Variants in GAP43 observed in about 807,000 individuals in gnomAD.
The protein encoded by GAP43 is neuromodulin.
Under a neutral mutation model 18.6 loss-of-function variants are expected in GAP43, and 6 were observed. The observed-to-expected ratio is 0.32, with a 90% CI of 0.18 to 0.64. The LOEUF (loss-of-function observed/expected upper bound fraction) is 0.64. Among genes scored for constraint, GAP43 ranks in the 30% least tolerant of loss-of-function variants. GAP43 has a pLI of 0.78. For missense variants in GAP43, 292 were observed against 295.5 expected, an observed-to-expected ratio of 0.99 and a Z score of 0.09; for synonymous variants, 115 against 111.4, an observed-to-expected ratio of 1.03 and a Z score of -0.20.
At chr3:115,627,187 T>G (rs1708201163) in intron 1 of GAP43, among the ~76,000 whole-genome samples, 1 of 148,418 alleles carries the variant, frequency 6.7e-6, no homozygotes, top group Non-Finnish European at 1.5e-5. Flanking sequence ...CTTAGAAAAT[T>G]CATGGTGAGT....
At chr3:115,633,597 G>A (rs1576976622) in intron 1 of GAP43, among the ~76,000 whole-genome samples, 2 of 152,194 alleles carry the variant, frequency 1.3e-5, no homozygotes, top group Admixed American at 1.3e-4. Flanking sequence ...GGCTCTAAAA[G>A]GAAGTAGTAA....
At chr3:115,663,651 C>A in intron 1 of GAP43, 1 of 1,428,426 alleles carries the variant, frequency 7.0e-7, no homozygotes, top group Non-Finnish European at 9.1e-7. Flanking sequence ...TCAGCCCTTG[C>A]TTAAAAAATT....
chr3:115,649,520 A>G (rs1708497828), intron 1 of GAP43, among the ~76,000 whole-genome samples: 1 of 152,148 alleles, frequency 6.6e-6, no homozygotes, highest in Non-Finnish European at 1.5e-5. Flanking sequence ...AGGGTAACAG[A>G]AGAAATCAAT....
chr3:115,646,901 C>G lies in GAP43; in HGVS notation c.30+23182C>G, dbSNP rs190997482. ...GAAACCAAACAACCAACATGTATTT[C>G]CTGAACCCCTACAATGAACCAAAGT... On this transcript the variant is annotated intron_variant, in intron 1 of 2. Coordinates refer to ENST00000305124, the MANE Select transcript of GAP43 (RefSeq NM_002045.4). Among the ~76,000 whole-genome samples, 680 of 152,042 alleles carry G rather than the reference C, an allele frequency of 4.5e-3. 1 individual carries two copies. Among genetic ancestry groups the G allele is most frequent in the Non-Finnish European group, 7.2e-3 (487 of 67,936 alleles).
At chr3:115,656,178 T>C (rs1708579423) in intron 1 of GAP43, among the ~76,000 whole-genome samples, 1 of 152,236 alleles carries the variant, frequency 6.6e-6, no homozygotes, top group Non-Finnish European at 1.5e-5. Flanking sequence ...CTTCTAGGCC[T>C]TGTGTCTTAT....
At chr3:115,687,562 T>C (rs1709050586) in intron 2 of GAP43, among the ~76,000 whole-genome samples, 1 of 152,178 alleles carries the variant, frequency 6.6e-6, no homozygotes, top group Non-Finnish European at 1.5e-5. Context: ...CCTCAATCAA[T>C]GAACTTTGAG....
At chr3:115,678,474 G>T (rs139751861) in intron 2 of GAP43, among the ~76,000 whole-genome samples, 77 of 152,144 alleles carry the variant, frequency 5.1e-4, no homozygotes, top group Middle Eastern at 3.4e-3. Context: ...TATGTTTCAG[G>T]TTATGATAAC....
In GAP43 at chr3:115,623,638, G is replaced by A. The variant is rs1708142631; in HGVS notation, c.-52G>A. 6.2e-7 allele frequency: 1 copy of A among 1,610,276 alleles called. No individual in the cohort carries two copies. Among genetic ancestry groups the A allele is most frequent in the East Asian group, 2.2e-5 (1 of 44,756 alleles). ...AGGTGGAGAGGGGGGGAATAAGAAA[G>A]AGAGAGAAGGAAAGGAGAGAAGGCA... is the stretch of plus-strand genomic sequence containing the variant. On this transcript the variant is annotated 5_prime_UTR_variant, in exon 1 of 3. Transcript: ENST00000305124.
intron 2 of GAP43, among the ~76,000 whole-genome samples, chr3:115,713,168 A>AT (rs1260927160): frequency 3.3e-5 from 5 of 151,998 alleles, no homozygotes; most frequent in Admixed American, 6.6e-5. Context: ...GCTGCCAAAG[A>AT]TTTTTATTAT....
chr3:115,682,613 T>G (rs2107351988), intron 2 of GAP43, among the ~76,000 whole-genome samples: 1 of 152,328 alleles, frequency 6.6e-6, no homozygotes, highest in South Asian at 2.1e-4. Flanking sequence ...CTCAGCTCAC[T>G]GTAACCTCTG....
intron 1 of GAP43, among the ~76,000 whole-genome samples, chr3:115,649,810 T>TAAAA (rs759106999): frequency 1.1e-5 from 1 of 94,608 alleles, no homozygotes. Flanking sequence ...ACCCTGTCTC[T>TAAAA]AAAAAAAAAA....
At chr3:115,711,401 T>A (rs1486565299) in intron 2 of GAP43, among the ~76,000 whole-genome samples, 4 of 152,080 alleles carry the variant, frequency 2.6e-5, no homozygotes, top group Non-Finnish European at 5.9e-5. Flanking sequence ...CTCACAAGAA[T>A]TTGAAAATGC....
intron 2 of GAP43, among the ~76,000 whole-genome samples, chr3:115,689,083 G>A (rs1276255398): frequency 6.6e-6 from 1 of 152,104 alleles, no homozygotes; most frequent in Non-Finnish European, 1.5e-5. Context: ...AGCTTCCCAT[G>A]GTCACCTCTT....
intron 1 of GAP43, among the ~76,000 whole-genome samples, chr3:115,626,476 G>A (rs1708189760): frequency 6.6e-6 from 1 of 152,176 alleles, no homozygotes; most frequent in African/African-American, 2.4e-5. Context: ...AGAAGAGAAT[G>A]AGAGTGGGGT....
At chr3:115,713,868 AACT>A (rs1475657938) in intron 2 of GAP43, among the ~76,000 whole-genome samples, 1 of 152,198 alleles carries the variant, frequency 6.6e-6, no homozygotes, top group East Asian at 1.9e-4. Flanking sequence ...AGAATATGGA[AACT>A]ACTATGGTTT....
intron 1 of GAP43, among the ~76,000 whole-genome samples, chr3:115,668,777 C>T (rs568891174): frequency 2.0e-5 from 3 of 152,166 alleles, no homozygotes; most frequent in East Asian, 3.9e-4. Context: ...CAGTGCCTCA[C>T]ACTGTAATCC....
intron 1 of GAP43, among the ~76,000 whole-genome samples, chr3:115,649,359 C>G (rs553309052): frequency 1.4e-4 from 22 of 152,176 alleles, no homozygotes; most frequent in African/African-American, 5.3e-4. Flanking sequence ...GATTAAGTTT[C>G]AACTTGAATT....
chr3:115,670,496 C>T (rs958812470), intron 1 of GAP43, among the ~76,000 whole-genome samples: 13 of 152,164 alleles, frequency 8.5e-5, no homozygotes, highest in Non-Finnish European at 1.5e-4. Flanking sequence ...GGCTGGCCCA[C>T]TGTCTTCTCT....
At chr3:115,667,128 AT>A (rs140480230) in intron 1 of GAP43, among the ~76,000 whole-genome samples, 6 of 151,438 alleles carry the variant, frequency 4.0e-5, no homozygotes, top group South Asian at 4.2e-4. Context: ...TAAAAATAAC[AT>A]TTTTTTTTAG....
Sources: allele counts gnomAD v4.1 joint callset (sites outside exome capture counted in the v4.1 genomes callset), GRCh38; gene constraint gnomAD v4.1.1; transcripts MANE v1.5; gene names NCBI Gene and HGNC (gene_info 2026-07-23, HGNC 2026-07-21).